FOXN3: variants seen among roughly 807,000 people sequenced by gnomAD.
The protein encoded by FOXN3 is forkhead box N3.
FOXN3 carries 7 observed loss-of-function variants against 38.4 expected under a neutral mutation model. That is an observed-to-expected ratio of 0.18 (90% CI 0.10 to 0.34). The LOEUF (loss-of-function observed/expected upper bound fraction) is 0.34. Ranked by LOEUF, FOXN3 falls within the 10% of genes least tolerant of loss-of-function variation. The pLI is 1.00. For synonymous variants in FOXN3, 230 were observed against 242.2 expected (o/e 0.95, Z 0.47); for missense variants, 456 against 613.4 (o/e 0.74, Z 2.71).
intron 4 of FOXN3, among the ~76,000 whole-genome samples, chr14:89,227,475 G>A (rs1433898842): frequency 6.6e-6 from 1 of 152,176 alleles, no homozygotes; most frequent in African/African-American, 2.4e-5. Flanking sequence ...GTCATGTTGG[G>A]TTTCTTCCTG....
chr14:89,516,921 T>C (rs947943878), intron 1 of FOXN3, among the ~76,000 whole-genome samples: 6 of 152,160 alleles, frequency 3.9e-5, no homozygotes, highest in Non-Finnish European at 8.8e-5. Flanking sequence ...ACAGTCACTG[T>C]TCTTAGCCTC....
chr14:89,505,662 A>G (rs973416854), intron 1 of FOXN3, among the ~76,000 whole-genome samples: 1 of 151,838 alleles, frequency 6.6e-6, no homozygotes, highest in Non-Finnish European at 1.5e-5. Context: ...TGGCCCCCCA[A>G]AGTGCCGAGA....
intron 4 of FOXN3, among the ~76,000 whole-genome samples, chr14:89,195,332 T>C (rs1888069955): frequency 6.6e-6 from 1 of 152,246 alleles, no homozygotes; most frequent in Admixed American, 6.5e-5. Flanking sequence ...CCTTAGGTGA[T>C]GTGCTACTTC....
chr14:89,554,289 C>T (rs1895068597), intron 1 of FOXN3, among the ~76,000 whole-genome samples: 1 of 152,126 alleles, frequency 6.6e-6, no homozygotes, highest in Non-Finnish European at 1.5e-5. Flanking sequence ...CATGAGCCAC[C>T]ACGCCTGGCC....
chr14:89,619,144 GA>G (rs1896550492), upstream of FOXN3: 1 of 150,914 alleles, frequency 6.6e-6, no homozygotes. Flanking sequence ...AGCTGCAGCA[GA>G]TCGCGGCCGG....
At chr14:89,505,322 C>T (rs867569978) in intron 1 of FOXN3, among the ~76,000 whole-genome samples, 7 of 150,088 alleles carry the variant, frequency 4.7e-5, no homozygotes, top group African/African-American at 1.7e-4. Flanking sequence ...CCTCTGATGC[C>T]GAGCCGAGGC....
intron 4 of FOXN3, among the ~76,000 whole-genome samples, chr14:89,267,546 T>A (rs1886022198): frequency 6.6e-6 from 1 of 152,202 alleles, no homozygotes; most frequent in African/African-American, 2.4e-5. Flanking sequence ...TCTCTCATTA[T>A]CCAATCTACT....
At chr14:89,197,482 G>A (rs1703736659) in intron 4 of FOXN3, among the ~76,000 whole-genome samples, 5 of 150,086 alleles carry the variant, frequency 3.3e-5, no homozygotes. Context: ...CTCCAGCCTG[G>A]GCGACAGAGC....
At chr14:89,228,817 A>G (rs976429611) in intron 4 of FOXN3, among the ~76,000 whole-genome samples, 8 of 152,252 alleles carry the variant, frequency 5.3e-5, no homozygotes, top group African/African-American at 1.9e-4. Flanking sequence ...GATATATTAG[A>G]AAGAAAACAA....
intron 4 of FOXN3, among the ~76,000 whole-genome samples, chr14:89,269,609 T>C (rs959058272): frequency 1.3e-5 from 2 of 152,072 alleles, no homozygotes; most frequent in African/African-American, 4.8e-5. Flanking sequence ...ACAGTTGTTT[T>C]TCAGAAACTA....
intron 3 of FOXN3, among the ~76,000 whole-genome samples, chr14:89,289,459 A>C (rs752956962): frequency 1.3e-5 from 2 of 152,200 alleles, no homozygotes; most frequent in Non-Finnish European, 2.9e-5. Flanking sequence ...ACTGAGCTTG[A>C]TTTTTGGGCA....
chr14:89,466,376 CTT>C (rs1892975792), intron 1 of FOXN3, among the ~76,000 whole-genome samples: 1 of 152,204 alleles, frequency 6.6e-6, no homozygotes, highest in African/African-American at 2.4e-5. Context: ...TATTTCTCCT[CTT>C]TTGCATCCTC....
chr14:89,580,457 A>G (rs1895720040), intron 1 of FOXN3, among the ~76,000 whole-genome samples: 1 of 152,206 alleles, frequency 6.6e-6, no homozygotes, highest in Non-Finnish European at 1.5e-5. Context: ...TAAGGACCAC[A>G]TAACAGTGCC....
chr14:89,528,939 T>C (rs7158109), intron 1 of FOXN3, among the ~76,000 whole-genome samples: 11,485 of 152,164 alleles, frequency 0.075, 675 homozygotes, highest in South Asian at 0.26. Context: ...ATTACCTTGA[T>C]TGTTAGGATG....
At chr14:89,224,497 A>G (rs1884568305) in intron 4 of FOXN3, among the ~76,000 whole-genome samples, 1 of 152,144 alleles carries the variant, frequency 6.6e-6, no homozygotes, top group South Asian at 2.1e-4. Flanking sequence ...ATGCTTTGGA[A>G]CCCTACCTTG....
chr14:89,426,215 ATTTT>A (rs33964198), intron 1 of FOXN3, among the ~76,000 whole-genome samples: 5 of 77,562 alleles, frequency 6.4e-5, no homozygotes, highest in Middle Eastern at 7.9e-3. Flanking sequence ...AGGAGTACTG[ATTTT>A]TTTTTTTTTT....
At chr14:89,564,875 C>T (rs534502531) in intron 1 of FOXN3, among the ~76,000 whole-genome samples, 1 of 152,000 alleles carries the variant, frequency 6.6e-6, no homozygotes, top group East Asian at 1.9e-4. Flanking sequence ...GGTGGATCAC[C>T]CAAGGTCAGG....
At chr14:89,573,409 A>G (rs1895535182) in intron 1 of FOXN3, among the ~76,000 whole-genome samples, 1 of 152,216 alleles carries the variant, frequency 6.6e-6, no homozygotes, top group Non-Finnish European at 1.5e-5. Context: ...ATTTAACACG[A>G]GAAGAGCCTA....
intron 1 of FOXN3, among the ~76,000 whole-genome samples, chr14:89,549,386 C>T (rs1418383845): frequency 6.6e-6 from 1 of 152,002 alleles, no homozygotes; most frequent in Non-Finnish European, 1.5e-5. Context: ...TGTCCATGGT[C>T]TATTTGAGAA....
Sources: gnomAD v4.1 joint callset for allele counts (sites outside exome capture counted in the v4.1 genomes callset) on GRCh38, gnomAD v4.1.1 for gene constraint, MANE v1.5 for transcripts, NCBI Gene and HGNC (gene_info 2026-07-23, HGNC 2026-07-21) for gene names.